Variants in MECOM observed in about 807,000 individuals in gnomAD.
MECOM encodes MDS1 and EVI1 complex locus.
In MECOM, 13 loss-of-function variants were observed where a neutral mutation model predicts 116.3. That is an observed-to-expected ratio of 0.11 (90% CI 0.07 to 0.18). The LOEUF (loss-of-function observed/expected upper bound fraction) is 0.18. MECOM is among the 10% of genes least tolerant of loss of function. The pLI is 1.00. For missense variants in MECOM, 1,299 were observed against 1,509.0 expected (o/e 0.86, Z 2.31); for synonymous variants, 528 against 535.2 (o/e 0.99, Z 0.19).
At chr3:169,430,669 G>A (rs1216293452) in intron 1 of MECOM, among the ~76,000 whole-genome samples, 1 of 152,110 alleles carries the variant, frequency 6.6e-6, no homozygotes, top group Non-Finnish European at 1.5e-5. Flanking sequence ...GCCTAAGACT[G>A]GTCATTTGTT....
At chr3:169,634,631 C>T (rs1273569053) in intron 1 of MECOM, among the ~76,000 whole-genome samples, 2 of 152,166 alleles carry the variant, frequency 1.3e-5, no homozygotes, top group African/African-American at 4.8e-5. Context: ...GGCATCCAGA[C>T]ATCAGTGGGA....
intron 1 of MECOM, among the ~76,000 whole-genome samples, chr3:169,476,635 G>A (rs949657130): frequency 6.6e-6 from 1 of 152,056 alleles, no homozygotes; most frequent in Non-Finnish European, 1.5e-5. Flanking sequence ...ACCTAAGCAT[G>A]CCTCCCTTGG....
At position 169,196,076 on chromosome 3, in the gene MECOM, C is replaced by T. The variant is rs868613568; in HGVS notation, c.376-52244G>A. ...GCTTTTTATGTTTCTTCTCTCCTAT[C>T]GTTATGAACTATAGGGATCCAGCAT... On this transcript the variant is annotated intron_variant, in intron 2 of 16. Coordinates refer to ENST00000651503, the MANE Select transcript of MECOM (RefSeq NM_004991.4). Among the ~76,000 whole-genome samples the T allele has an allele frequency of 4.6e-5, 7 of 151,942 alleles. No individual in the cohort carries two copies. The East Asian group carries it at 7.7e-4, about 17-fold the overall frequency.
intron 1 of MECOM, among the ~76,000 whole-genome samples, chr3:169,624,326 C>T (rs1305054023): frequency 6.6e-6 from 1 of 152,200 alleles, no homozygotes; most frequent in African/African-American, 2.4e-5. Context: ...TAATTGGTGC[C>T]TCTCTACCAG....
chr3:169,614,448 A>T (rs549605636), intron 1 of MECOM, among the ~76,000 whole-genome samples: 1 of 152,340 alleles, frequency 6.6e-6, no homozygotes, highest in South Asian at 2.1e-4. Flanking sequence ...AAAAACAATA[A>T]GGAAACTCTG....
intron 2 of MECOM, among the ~76,000 whole-genome samples, chr3:169,260,684 T>C (rs1757426654): frequency 6.6e-6 from 1 of 152,244 alleles, no homozygotes; most frequent in Admixed American, 6.5e-5. Context: ...TTTTCTCCCT[T>C]CTCAGTTTCT....
At chr3:169,485,957 A>ATATATATG in intron 1 of MECOM, among the ~76,000 whole-genome samples, 1 of 77,120 alleles carries the variant, frequency 1.3e-5, no homozygotes, top group Non-Finnish European at 2.4e-5. Context: ...ATATATGTAC[A>ATATATATG]TATATACTAT....
intron 2 of MECOM, among the ~76,000 whole-genome samples, chr3:169,374,822 A>G (rs765605914): frequency 3.3e-5 from 5 of 151,858 alleles, no homozygotes; most frequent in Non-Finnish European, 4.4e-5. Context: ...CACTTGAGGA[A>G]AGGAGTTTGA....
In MECOM at chr3:169,187,879, C is replaced by A. The variant is rs116216194; in HGVS notation, c.376-44047G>T. Reference sequence around the variant, plus strand: ...TGGGTTATCAGCTACATAAATTAGACGCACACTGGGGCTGTCTAACTTGTA... The same window carrying A: ...TGGGTTATCAGCTACATAAATTAGAAGCACACTGGGGCTGTCTAACTTGTA... On this transcript the variant is annotated intron_variant, in intron 2 of 16. Transcript: ENST00000651503. 3.2e-3 allele frequency among the ~76,000 whole-genome samples: 482 copies of A among 152,190 alleles called. 3 individuals are homozygous for A. Among genetic ancestry groups the A allele is most frequent in the African/African-American group, 0.011 (452 of 41,516 alleles).
chr3:169,217,852 A>G (rs1751607406), intron 2 of MECOM, among the ~76,000 whole-genome samples: 1 of 149,546 alleles, frequency 6.7e-6, no homozygotes, highest in Non-Finnish European at 1.5e-5. Flanking sequence ...TAATATATAT[A>G]TATATAATCC....
At chr3:169,377,927 G>A (rs1165572570) in intron 2 of MECOM, among the ~76,000 whole-genome samples, 1 of 152,106 alleles carries the variant, frequency 6.6e-6, no homozygotes, top group Admixed American at 6.6e-5. Context: ...CAACCCAAAT[G>A]CCCATCAATG....
chr3:169,124,169 ATCT>A (rs1560212766), intron 5 of MECOM, among the ~76,000 whole-genome samples: 1 of 152,244 alleles, frequency 6.6e-6, no homozygotes, highest in South Asian at 2.1e-4. Flanking sequence ...CATCAATGAA[ATCT>A]TCTTGGTGAA....
chr3:169,083,748 T>G lies in MECOM; in HGVS notation c.*1161A>C, dbSNP rs1716872004. 4.8e-6 allele frequency: 1 copy of G among 207,758 alleles called. No homozygotes were observed. The highest frequency in any genetic ancestry group is 9.8e-6 in the Non-Finnish European group (1 of 101,822). The allele number at this position is 207,758 out of a possible 1,614,324, so 12.9% of individuals were successfully genotyped here. A position where few individuals can be genotyped will look rare whatever the true frequency, so the allele number is the denominator to read the frequency against. ...GGTTGGGAACACTTCATTTTACAAA[T>G]AGGATTAACATGAACATAACATCGC... On this transcript the variant is annotated 3_prime_UTR_variant, in exon 17 of 17. Coordinates refer to ENST00000651503, the MANE Select transcript of MECOM (RefSeq NM_004991.4).
chr3:169,315,390 C>T (rs1719554681), intron 2 of MECOM, among the ~76,000 whole-genome samples: 2 of 152,194 alleles, frequency 1.3e-5, no homozygotes, highest in Non-Finnish European at 2.9e-5. Context: ...TTGTAAAATA[C>T]AGTTGTGCTC....
At chr3:169,161,299 C>T (rs953190233) in intron 2 of MECOM, among the ~76,000 whole-genome samples, 1 of 152,114 alleles carries the variant, frequency 6.6e-6, no homozygotes, top group African/African-American at 2.4e-5. Flanking sequence ...AATATAAGTG[C>T]TGGCAATGGC....
chr3:169,343,437 A>T (rs1320939784), intron 2 of MECOM, among the ~76,000 whole-genome samples: 1 of 152,184 alleles, frequency 6.6e-6, no homozygotes, highest in South Asian at 2.1e-4. Context: ...CCAAGGAAGA[A>T]GGCCACTGCT....
intron 2 of MECOM, among the ~76,000 whole-genome samples, chr3:169,294,117 A>G (rs965769838): frequency 1.3e-5 from 2 of 152,100 alleles, no homozygotes; most frequent in Non-Finnish European, 2.9e-5. Context: ...TTTATCATTA[A>G]CTATTTATGG....
rs546929787 is a variant in MECOM, at chr3:169,650,801, G to T, written c.37+12535C>A. On this transcript the variant is annotated intron_variant, in intron 1 of 16. Transcript: ENST00000651503. ...TACTTTCATATTCCTTTGGGTCCTG[G>T]TTTGGGGAACTTCTCTGTCTGTTTT... Among the ~76,000 whole-genome samples, 235 of 152,048 alleles carry T rather than the reference G, an allele frequency of 1.5e-3. 2 individuals carry two copies. The highest frequency in any genetic ancestry group is 2.8e-3 in the Non-Finnish European group (189 of 67,986).
At chr3:169,268,007 A>G (rs1758519984) in intron 2 of MECOM, among the ~76,000 whole-genome samples, 1 of 152,182 alleles carries the variant, frequency 6.6e-6, no homozygotes. Context: ...AATAAGCACC[A>G]CACAACCAAT....
Sources: allele counts gnomAD v4.1 joint callset (sites outside exome capture counted in the v4.1 genomes callset), GRCh38; gene constraint gnomAD v4.1.1; transcripts MANE v1.5; gene names NCBI Gene and HGNC (gene_info 2026-07-23, HGNC 2026-07-21).